ADGRG6: variants seen among roughly 807,000 people sequenced by gnomAD.
ADGRG6 encodes the protein G-protein coupled receptor 126.
ADGRG6 carries 84 observed loss-of-function variants against 142.4 expected under a neutral mutation model. The ratio of observed to expected loss-of-function variants is 0.59; its 90% CI spans 0.49 to 0.71. The LOEUF is 0.71. Among genes scored for constraint, ADGRG6 ranks in the 30% least tolerant of loss-of-function variants. The probability of loss-of-function intolerance (pLI) is 0.00; values close to 1 mark genes in which losing one functional copy is unlikely to be tolerated. For missense variants in ADGRG6, 1,367 were observed against 1,466.6 expected (o/e 0.93, Z 1.11); for synonymous variants, 521 against 520.5 (o/e 1.00, Z -0.01).
rs769734114 is a variant in ADGRG6, at chr6:142,397,651, A to G, written c.1463A>G (p.Asn488Ser). The change falls in exon 10 of 25, where the codon AAC becomes AGC. Residue 488 changes from asparagine to serine, a missense_variant. By Grantham distance (46) the Asn-to-Ser change is conservative (BLOSUM62 1). Coordinates refer to ENST00000367609, the MANE Select transcript of ADGRG6 (RefSeq NM_198569.3). Reference sequence around the variant, plus strand: ...GCCCTTCTAGTTTACAATGCTACCAACAATACTAATTTGGAAGGAAAAATC... The same window carrying G: ...GCCCTTCTAGTTTACAATGCTACCAGCAATACTAATTTGGAAGGAAAAATC... ...LWALLVYNAT[N>S]NTNLEGKIIQ... 6 of 1,609,476 alleles carry G rather than the reference A, an allele frequency of 3.7e-6. No homozygotes were observed. The South Asian group carries it at 6.6e-5, about 18-fold the overall frequency.
chr6:142,362,536 C>T (rs1032541972), intron 2 of ADGRG6, among the ~76,000 whole-genome samples: 6 of 152,026 alleles, frequency 3.9e-5, no homozygotes, highest in South Asian at 2.1e-4. Context: ...TGAGGAGGAG[C>T]GGTGAGGGTG....
chr6:142,430,520 G>T (rs932131367), intron 22 of ADGRG6, among the ~76,000 whole-genome samples: 3 of 152,176 alleles, frequency 2.0e-5, no homozygotes, highest in East Asian at 3.9e-4. Flanking sequence ...TTTTACATTT[G>T]CCCCCAGAAA....
chr6:142,432,558 TCTC>T (rs1162866417), intron 22 of ADGRG6, among the ~76,000 whole-genome samples: 1 of 151,782 alleles, frequency 6.6e-6, no homozygotes, highest in Non-Finnish European at 1.5e-5. Flanking sequence ...TTAAATGACT[TCTC>T]CTCTCCAGTG....
chr6:142,400,503 A>C lies in ADGRG6; in HGVS notation c.1586A>C (p.Glu529Ala). 2.6e-6 allele frequency: 4 copies of C among 1,560,806 alleles called. No homozygotes were observed. Among genetic ancestry groups the C allele is most frequent in the Non-Finnish European group, 3.5e-6 (4 of 1,132,202 alleles). ...VRQLGHCLAM[E>A]EPKGYYWPSI... ...CATATAGGTCATTGTCTTGCCATGG[A>C]GGAACCCAAAGGCTACTACTGGCCA... Residue 529 changes from glutamate (E) to alanine (A), a missense_variant, in exon 11 of 25, where the codon GAG (glutamate) becomes GCG (alanine). Coordinates refer to ENST00000367609, the MANE Select transcript of ADGRG6 (RefSeq NM_198569.3).
intron 12 of ADGRG6, 76 bp from the exon 13 acceptor site, chr6:142,402,544 C>G: frequency 1.3e-6 from 1 of 757,722 alleles, no homozygotes; most frequent in Non-Finnish European, 2.2e-6. Flanking sequence ...AAATATTACA[C>G]TCTACTTTGG....
intron 18 of ADGRG6, among the ~76,000 whole-genome samples, chr6:142,411,917 A>G (rs1037371386): frequency 6.6e-6 from 1 of 152,116 alleles, no homozygotes; most frequent in Non-Finnish European, 1.5e-5. Context: ...GCAGTTTGTT[A>G]GGACAGACTA....
At chr6:142,387,164 T>C (rs1332147421) in intron 6 of ADGRG6, among the ~76,000 whole-genome samples, 2 of 152,206 alleles carry the variant, frequency 1.3e-5, no homozygotes, top group Non-Finnish European at 1.5e-5. Context: ...CAAATAATGA[T>C]CTTTTTTATG....
At chr6:142,395,186 T>TAATCCC (rs1187753808) in intron 9 of ADGRG6, among the ~76,000 whole-genome samples, 5 of 152,148 alleles carry the variant, frequency 3.3e-5, no homozygotes, top group African/African-American at 1.2e-4. Context: ...TTAGGGAAAC[T>TAATCCC]TGTTTTTATT....
At chr6:142,356,833 G>A (rs1222934257) in intron 2 of ADGRG6, among the ~76,000 whole-genome samples, 3 of 152,116 alleles carry the variant, frequency 2.0e-5, no homozygotes, top group Non-Finnish European at 2.9e-5. Context: ...ACATAAGCAC[G>A]AATTACTTCA....
At chr6:142,351,917 C>T (rs1033488222) in intron 2 of ADGRG6, among the ~76,000 whole-genome samples, 5 of 152,094 alleles carry the variant, frequency 3.3e-5, no homozygotes, top group Non-Finnish European at 7.4e-5. Flanking sequence ...AGTGAAATAC[C>T]ATCTCACACC....
Position 142,402,068 on chromosome 6 carries a change from C to T in ADGRG6, c.1744+10C>T. On this transcript the variant is annotated intron_variant, in intron 12 of 24. Transcript: ENST00000367609. ...ATCTCCAACTGTTTAAGTAAGTGAG[C>T]AGTTTTCCTTTATTTCTCAAGGACA... 7.0e-7 allele frequency: 1 copy of T among 1,432,254 alleles called. No homozygotes were observed. The highest frequency in any genetic ancestry group is 9.7e-7 in the Non-Finnish European group (1 of 1,028,568). 88.7% of individuals were successfully genotyped at this position (1,432,254 alleles called of 1,614,324 possible). A position where few individuals can be genotyped will look rare whatever the true frequency, so the allele number is the denominator to read the frequency against.
At chr6:142,430,568 G>C (rs796329971) in intron 22 of ADGRG6, among the ~76,000 whole-genome samples, 126 of 152,236 alleles carry the variant, frequency 8.3e-4, no homozygotes, top group African/African-American at 2.8e-3. Context: ...AAAGGAATGA[G>C]TTCTATGTGG....
chr6:142,387,893 T>C (rs192258829), intron 6 of ADGRG6, among the ~76,000 whole-genome samples: 66 of 152,356 alleles, frequency 4.3e-4, no homozygotes, highest in African/African-American at 1.6e-3. Flanking sequence ...AATTAATGTC[T>C]ATAATAAATT....
At chr6:142,332,685 C>A (rs2114672057) in intron 2 of ADGRG6, among the ~76,000 whole-genome samples, 1 of 152,132 alleles carries the variant, frequency 6.6e-6, no homozygotes, top group East Asian at 1.9e-4. Context: ...ATAGCTTTTG[C>A]AAGAGAGACA....
At chr6:142,413,029 TTA>T (rs139522751) in intron 18 of ADGRG6, among the ~76,000 whole-genome samples, 38 of 150,192 alleles carry the variant, frequency 2.5e-4, no homozygotes, top group Admixed American at 7.3e-4. Context: ...GAATGGTTAA[TTA>T]TATATATATA....
chr6:142,434,932 G>A (rs564861489), intron 22 of ADGRG6, among the ~76,000 whole-genome samples: 7 of 152,058 alleles, frequency 4.6e-5, no homozygotes, highest in Non-Finnish European at 1.0e-4. Flanking sequence ...ACTAAGGGCC[G>A]CTTTGAATCT....
At chr6:142,360,111 T>G (rs1411409394) in intron 2 of ADGRG6, among the ~76,000 whole-genome samples, 1 of 152,140 alleles carries the variant, frequency 6.6e-6, no homozygotes, top group African/African-American at 2.4e-5. Context: ...GGCAAATTAT[T>G]TGAGATGGTG....
intron 5 of ADGRG6, among the ~76,000 whole-genome samples, chr6:142,383,374 C>G (rs1469770081): frequency 6.6e-6 from 1 of 152,164 alleles, no homozygotes; most frequent in Non-Finnish European, 1.5e-5. Context: ...AGCTGCAGAT[C>G]TGTACAGGCT....
At chr6:142,323,003 C>G (rs1778590959) in intron 2 of ADGRG6, among the ~76,000 whole-genome samples, 1 of 152,062 alleles carries the variant, frequency 6.6e-6, no homozygotes, top group Non-Finnish European at 1.5e-5. Context: ...TTGTTCTGCC[C>G]TGGTTACTGA....
Sources: gnomAD v4.1 joint callset for allele counts (sites outside exome capture counted in the v4.1 genomes callset) on GRCh38, gnomAD v4.1.1 for gene constraint, MANE v1.5 for transcripts, NCBI Gene and HGNC (gene_info 2026-07-23, HGNC 2026-07-21) for gene names.